The following CNTNAP2 variants were observed in gnomAD, a reference collection of about 807,000 sequenced individuals.
The protein encoded by CNTNAP2 is contactin-associated protein-like 2.
CNTNAP2 carries 98 observed loss-of-function variants against 155.2 expected under a neutral mutation model. That is an observed-to-expected ratio of 0.63 (90% CI 0.54 to 0.75). The LOEUF is 0.75. Ranked by LOEUF, CNTNAP2 falls within the 30% of genes least tolerant of loss-of-function variation. CNTNAP2 has a pLI of 0.00. For synonymous variants in CNTNAP2, 651 were observed against 631.2 expected, an observed-to-expected ratio of 1.03 and a Z score of -0.47; for missense variants, 1,727 against 1,688.1, an observed-to-expected ratio of 1.02 and a Z score of -0.40.
chr7:146,139,079 T>C (rs1384055573), intron 1 of CNTNAP2, among the ~76,000 whole-genome samples: 1 of 152,070 alleles, frequency 6.6e-6, no homozygotes, highest in Non-Finnish European at 1.5e-5. Flanking sequence ...GGCAAAATCA[T>C]CTGGCAGCAT....
At chr7:146,156,386 T>C (rs1798126764) in intron 1 of CNTNAP2, among the ~76,000 whole-genome samples, 1 of 152,164 alleles carries the variant, frequency 6.6e-6, no homozygotes, top group Non-Finnish European at 1.5e-5. Context: ...TCTTTTGAAA[T>C]CACAGAAGAA....
chr7:146,210,113 C>T (rs1370760817), intron 1 of CNTNAP2, among the ~76,000 whole-genome samples: 1 of 152,054 alleles, frequency 6.6e-6, no homozygotes, highest in Non-Finnish European at 1.5e-5. Flanking sequence ...TTTTGAGTAA[C>T]TCTGGACAAA....
chr7:147,411,311 T>TCC, intron 10 of CNTNAP2, among the ~76,000 whole-genome samples: 1 of 152,350 alleles, frequency 6.6e-6, no homozygotes, highest in East Asian at 1.9e-4. Context: ...GTTAGAACTT[T>TCC]CCTGGCTCAA....
intron 1 of CNTNAP2, among the ~76,000 whole-genome samples, chr7:146,319,972 G>C: frequency 6.6e-6 from 1 of 151,758 alleles, no homozygotes; most frequent in Non-Finnish European, 1.5e-5. Context: ...TATTTCATAG[G>C]TAAGCAAAAT....
intron 3 of CNTNAP2, among the ~76,000 whole-genome samples, chr7:146,891,728 C>T (rs1562989384): frequency 1.3e-5 from 2 of 152,064 alleles, no homozygotes. Flanking sequence ...ATGACAAATA[C>T]GTGGTGGTAA....
intron 8 of CNTNAP2, among the ~76,000 whole-genome samples, chr7:147,280,701 C>T (rs1419851179): frequency 6.6e-6 from 1 of 151,860 alleles, no homozygotes; most frequent in Non-Finnish European, 1.5e-5. Context: ...GTTATATTCA[C>T]ATTAACCTTA....
At chr7:146,195,432 TTGC>T (rs1200004072) in intron 1 of CNTNAP2, among the ~76,000 whole-genome samples, 2 of 152,192 alleles carry the variant, frequency 1.3e-5, no homozygotes, top group Non-Finnish European at 2.9e-5. Context: ...CAGTTTAAAA[TTGC>T]TTTCATTCTT....
chr7:147,532,798 G>T (rs1362833668), intron 11 of CNTNAP2, among the ~76,000 whole-genome samples: 2 of 152,114 alleles, frequency 1.3e-5, no homozygotes, highest in Non-Finnish European at 2.9e-5. Context: ...AAACCCATCA[G>T]ATCTCATGAG....
At chr7:146,651,816 T>G (rs746519681) in intron 1 of CNTNAP2, among the ~76,000 whole-genome samples, 1 of 152,130 alleles carries the variant, frequency 6.6e-6, no homozygotes, top group Non-Finnish European at 1.5e-5. Context: ...TTCTGAAATT[T>G]GTATGTGGGT....
At position 147,346,149 on chromosome 7, in the gene CNTNAP2, T is replaced by G. The variant is rs544964733; in HGVS notation, c.1498+45859T>G. Among the ~76,000 whole-genome samples the G allele has an allele frequency of 8.6e-5, 9 of 104,512 alleles. No individual in the cohort carries two copies. The East Asian group carries it at 1.4e-3, about 16-fold the overall frequency. 68.6% of individuals were successfully genotyped at this position (104,512 alleles called of 152,430 possible). On this transcript the variant is annotated intron_variant, in intron 9 of 23. Transcript: ENST00000361727. ...GAAGATTTTATTTTATTTTATTTTATTTTATTTTTTTTTTTTGAGACAGAG... is the reference window on the plus strand; with the variant it reads ...GAAGATTTTATTTTATTTTATTTTAGTTTATTTTTTTTTTTTGAGACAGAG...
At chr7:146,587,978 G>T (rs1451612772) in intron 1 of CNTNAP2, among the ~76,000 whole-genome samples, 1 of 149,166 alleles carries the variant, frequency 6.7e-6, no homozygotes, top group Non-Finnish European at 1.5e-5. Flanking sequence ...CCGGCCTGAT[G>T]ATTAATTTTC....
At chr7:147,188,138 A>T (rs1563108585) in intron 8 of CNTNAP2, among the ~76,000 whole-genome samples, 1 of 152,234 alleles carries the variant, frequency 6.6e-6, no homozygotes, top group Non-Finnish European at 1.5e-5. Flanking sequence ...TAGAAAGAGG[A>T]TACATAATAG....
At chr7:147,979,424 T>A (rs954599866) in intron 15 of CNTNAP2, among the ~76,000 whole-genome samples, 1 of 152,214 alleles carries the variant, frequency 6.6e-6, no homozygotes, top group African/African-American at 2.4e-5. Context: ...AAGACTGTCA[T>A]GTGTTGTCTA....
intron 3 of CNTNAP2, among the ~76,000 whole-genome samples, chr7:146,970,371 A>G (rs1294563958): frequency 6.6e-6 from 1 of 152,014 alleles, no homozygotes; most frequent in African/African-American, 2.4e-5. Context: ...CAAGAAAAAA[A>G]CAAACAACCC....
At chr7:146,596,818 T>C (rs767738849) in intron 1 of CNTNAP2, among the ~76,000 whole-genome samples, 3 of 152,038 alleles carry the variant, frequency 2.0e-5, no homozygotes, top group Non-Finnish European at 4.4e-5. Flanking sequence ...ATTTGTGAAA[T>C]GCTGATTGAA....
intron 15 of CNTNAP2, among the ~76,000 whole-genome samples, chr7:148,092,284 A>G (rs561004879): frequency 1.3e-5 from 2 of 152,226 alleles, no homozygotes; most frequent in Admixed American, 6.5e-5. Context: ...CTTGTTTTCT[A>G]TCTAGTCTGG....
At position 147,806,674 on chromosome 7, in the gene CNTNAP2, G is replaced by C. The variant is rs866684098; in HGVS notation, c.2099-96891G>C. On this transcript the variant is annotated intron_variant, in intron 13 of 23. Coordinates refer to ENST00000361727, the MANE Select transcript of CNTNAP2 (RefSeq NM_014141.6). ...ATGGAATATTATTCAACCATAAAAA[G>C]AATGAAATTCTGTCATTTACAACAA... Among the ~76,000 whole-genome samples the C allele has an allele frequency of 2.0e-5, 3 of 152,218 alleles. No individual in the cohort carries two copies. The South Asian group carries it at 6.2e-4, about 32-fold the overall frequency.
chr7:146,626,965 G>T (rs1004365852), intron 1 of CNTNAP2, among the ~76,000 whole-genome samples: 1 of 151,970 alleles, frequency 6.6e-6, no homozygotes, highest in Non-Finnish European at 1.5e-5. Context: ...CTTTATTTCT[G>T]TATTAGCCCA....
chr7:147,531,806 CTTT>C (rs200069487), intron 11 of CNTNAP2, among the ~76,000 whole-genome samples: 3 of 129,676 alleles, frequency 2.3e-5, no homozygotes, highest in Admixed American at 8.2e-5. Flanking sequence ...TTTTTCTTTT[CTTT>C]TTTTTTTTTT....
Sources: gnomAD v4.1 joint callset for allele counts (sites outside exome capture counted in the v4.1 genomes callset) on GRCh38, gnomAD v4.1.1 for gene constraint, MANE v1.5 for transcripts, NCBI Gene and HGNC (gene_info 2026-07-23, HGNC 2026-07-21) for gene names.